The following PLOD2 variants were observed in gnomAD, a reference collection of about 807,000 sequenced individuals.
The protein encoded by PLOD2 is lysine hydroxylase 2.
PLOD2 carries 65 observed loss-of-function variants against 101.0 expected under a neutral mutation model. That is an observed-to-expected ratio of 0.64 (90% CI 0.53 to 0.79). The LOEUF is 0.79. Ranked by LOEUF, PLOD2 falls within the 30% of genes least tolerant of loss-of-function variation. The pLI is 0.00. For missense variants in PLOD2, 909 were observed against 914.6 expected, an observed-to-expected ratio of 0.99 and a Z score of 0.08; for synonymous variants, 314 against 302.9, an observed-to-expected ratio of 1.04 and a Z score of -0.38.
intron 1 of PLOD2, among the ~76,000 whole-genome samples, chr3:146,148,438 T>A (rs1392193718): frequency 6.6e-6 from 1 of 151,012 alleles, no homozygotes; most frequent in Non-Finnish European, 1.5e-5. Context: ...TATACCTAAA[T>A]ACGAAGAATA....
Position 146,130,936 on chromosome 3 carries a change from T to C in PLOD2, c.110-6707A>G, listed in dbSNP as rs186344070. 2.3e-3 allele frequency among the ~76,000 whole-genome samples: 356 copies of C among 152,294 alleles called. 2 individuals are homozygous for C. The highest frequency in any genetic ancestry group is 8.2e-3 in the African/African-American group (342 of 41,566). ...ATATGGTTTCCAGATGGTCTTCCAA[T>C]GGGAAGGGTTCCCATCATTCCTAGA... On this transcript the variant is annotated intron_variant, in intron 1 of 19. Coordinates refer to ENST00000282903, the MANE Select transcript of PLOD2 (RefSeq NM_182943.3).
At chr3:146,102,880 A>C in intron 6 of PLOD2, 28 bp from the exon 7 acceptor site, 1 of 1,200,642 alleles carries the variant, frequency 8.3e-7, no homozygotes, top group South Asian at 1.2e-5. Flanking sequence ...AATAGGCTTT[A>C]GTAATTTAAA....
chr3:146,159,872 C>T (rs2108155681), intron 1 of PLOD2, among the ~76,000 whole-genome samples: 1 of 152,266 alleles, frequency 6.6e-6, no homozygotes, highest in African/African-American at 2.4e-5. Context: ...AAGATGAAGA[C>T]AAAACTATCG....
intron 7 of PLOD2, among the ~76,000 whole-genome samples, chr3:146,099,466 G>A (rs918400292): frequency 6.6e-6 from 1 of 152,178 alleles, no homozygotes; most frequent in Admixed American, 6.5e-5. Context: ...GCCCGATCTT[G>A]GCTGACTGCA....
intron 1 of PLOD2, among the ~76,000 whole-genome samples, chr3:146,135,350 TTGA>T (rs2031169550): frequency 6.6e-6 from 1 of 152,318 alleles, no homozygotes; most frequent in South Asian, 2.1e-4. Flanking sequence ...AAATGATGAT[TTGA>T]TGAAGACAAC....
chr3:146,153,327 T>C (rs1381275054), intron 1 of PLOD2, among the ~76,000 whole-genome samples: 1 of 152,172 alleles, frequency 6.6e-6, no homozygotes, highest in East Asian at 1.9e-4. Flanking sequence ...TAGCTGTTGG[T>C]GTTTAGTACA....
chr3:146,125,224 C>T (rs187912106), intron 1 of PLOD2, among the ~76,000 whole-genome samples: 2 of 152,048 alleles, frequency 1.3e-5, no homozygotes, highest in African/African-American at 4.8e-5. Flanking sequence ...TTTTGAGTAT[C>T]CCCTAAGCAA....
intron 7 of PLOD2, among the ~76,000 whole-genome samples, chr3:146,096,216 T>C (rs1937154906): frequency 7.5e-6 from 1 of 133,792 alleles, no homozygotes; most frequent in South Asian, 2.6e-4. Context: ...TGGAGTGCAG[T>C]GGCGTGATCT....
chr3:146,148,025 C>T (rs1029640407), intron 1 of PLOD2, among the ~76,000 whole-genome samples: 1 of 151,954 alleles, frequency 6.6e-6, no homozygotes, highest in African/African-American at 2.4e-5. Flanking sequence ...TAATTTGAGG[C>T]TTTTGAAAAA....
At chr3:146,135,650 G>A (rs2031188209) in intron 1 of PLOD2, among the ~76,000 whole-genome samples, 1 of 152,058 alleles carries the variant, frequency 6.6e-6, no homozygotes, top group South Asian at 2.1e-4. Flanking sequence ...CTTCCCTTCA[G>A]AAAATATCAA....
rs149042182 is a variant in PLOD2 at position 146,077,893 on chromosome 3, G to A, written c.1532C>T (p.Pro511Leu). Reference sequence around the variant, plus strand: ...GGGGCTGAGCATTTGGAATGTTTCCGGAGTAGGGGAGTCTTTTTCCCTTTG... The same window carrying A: ...GGGGCTGAGCATTTGGAATGTTTCCAGAGTAGGGGAGTCTTTTTCCCTTTG... ...TLQREKDSPT[P>L]ETFQMLSPPK... The change falls in exon 14 of 20, where the codon CCG (proline) becomes CTG (leucine). Residue 511 changes from proline to leucine, a missense_variant. Pro to Leu is a moderately conservative substitution (Grantham distance 98, BLOSUM62 -3). Coordinates refer to ENST00000282903, the MANE Select transcript of PLOD2 (RefSeq NM_182943.3). 2.4e-5 allele frequency: 38 copies of A among 1,600,018 alleles called. No homozygotes were observed. The highest frequency in any genetic ancestry group is 6.7e-5 in the East Asian group (3 of 44,722).
intron 7 of PLOD2, among the ~76,000 whole-genome samples, chr3:146,099,782 G>A (rs543454039): frequency 2.0e-5 from 3 of 152,084 alleles, no homozygotes; most frequent in South Asian, 4.2e-4. Flanking sequence ...TTGACTAACT[G>A]GCACTGACAG....
chr3:146,155,163 T>C (rs1476967325), intron 1 of PLOD2, among the ~76,000 whole-genome samples: 1 of 151,880 alleles, frequency 6.6e-6, no homozygotes, highest in Non-Finnish European at 1.5e-5. Flanking sequence ...GGCTTTAAGG[T>C]GGTAAGCAGA....
chr3:146,084,377 T>G lies in PLOD2; in HGVS notation c.1232+792A>C, dbSNP rs531676302. On this transcript the variant is annotated intron_variant, in intron 11 of 19. Transcript: ENST00000282903. ...TTTACAAATTCTAGTGATATATATA[T>G]ATAGATAGATATTATATATAGGGTG... 1.3e-4 allele frequency among the ~76,000 whole-genome samples: 20 copies of G among 152,128 alleles called. No homozygotes were observed. The East Asian group carries it at 1.4e-3, about 10-fold the overall frequency.
chr3:146,071,282 T>C lies in PLOD2; in HGVS notation c.1990A>G (p.Thr664Ala). 1 of 1,611,980 alleles carries C rather than the reference T, an allele frequency of 6.2e-7. No homozygotes were observed. Among genetic ancestry groups the C allele is most frequent in the Non-Finnish European group, 8.5e-7 (1 of 1,178,628 alleles). The change falls in exon 18 of 20, where the codon ACG (threonine) becomes GCG (alanine). Residue 664 changes from threonine (T) to alanine (A), a missense_variant. Physicochemically the swap from Thr to Ala is moderately conservative, Grantham distance 58. Coordinates refer to ENST00000282903, the MANE Select transcript of PLOD2 (RefSeq NM_182943.3). ...VTLKVFAGYY[T>A]KGFALLNFVV... is the part of the protein sequence containing the mutation. ...AGGGGTGAGAGGATAACTACCTTCGTATAATAGCCTGCAAAGACCTTCAGT... is the reference window on the plus strand; with the variant it reads ...AGGGGTGAGAGGATAACTACCTTCGCATAATAGCCTGCAAAGACCTTCAGT...
rs1936788339 is a variant in PLOD2, at chr3:146,086,782, C to T, written c.1127+5G>A. Reference sequence around the variant, plus strand: ...TTAATTTAATTTTAATTTATTAAAACATACATTCCCATGTTTCTGGCTTCC... The same window carrying T: ...TTAATTTAATTTTAATTTATTAAAATATACATTCCCATGTTTCTGGCTTCC... On this transcript the variant is annotated splice_donor_5th_base_variant and intron_variant, in intron 10 of 19. Transcript: ENST00000282903. 1.4e-6 allele frequency: 2 copies of T among 1,433,480 alleles called. No homozygotes were observed. Among genetic ancestry groups the T allele is most frequent in the African/African-American group, 2.9e-5 (2 of 70,006 alleles). 88.8% of individuals were successfully genotyped at this position (1,433,480 alleles called of 1,614,324 possible).
rs1053123518 is a variant in PLOD2 at position 146,077,740 on chromosome 3, T to C, written c.1563+122A>G. 8.1e-6 allele frequency: 5 copies of C among 620,190 alleles called. No individual in the cohort carries two copies. In the Admixed American group the frequency reaches 8.1e-5, roughly 10 times the overall value. 38.4% of individuals were successfully genotyped at this position (620,190 alleles called of 1,614,324 possible). A position where few individuals can be genotyped will look rare whatever the true frequency, so the allele number is the denominator to read the frequency against. On this transcript the variant is annotated intron_variant, in intron 14 of 19. Coordinates refer to ENST00000282903, the MANE Select transcript of PLOD2 (RefSeq NM_182943.3). Reference sequence around the variant, plus strand: ...AACACGCAAACACACAGATGACTGATGAAAATCAACATTTTACCAAGCTAA... The same window carrying C: ...AACACGCAAACACACAGATGACTGACGAAAATCAACATTTTACCAAGCTAA...
At chr3:146,116,624 G>A (rs1303134284) in intron 3 of PLOD2, among the ~76,000 whole-genome samples, 4 of 151,952 alleles carry the variant, frequency 2.6e-5, no homozygotes, top group South Asian at 2.1e-4. Context: ...AAGGAAATAC[G>A]GAGTACACAC....
At chr3:146,132,695 G>A (rs780041316) in intron 1 of PLOD2, among the ~76,000 whole-genome samples, 2 of 151,928 alleles carry the variant, frequency 1.3e-5, no homozygotes, top group Non-Finnish European at 2.9e-5. Context: ...GTGAATGTTT[G>A]ACAAATTTCA....
Sources: gnomAD v4.1 joint callset for allele counts (sites outside exome capture counted in the v4.1 genomes callset) on GRCh38, gnomAD v4.1.1 for gene constraint, MANE v1.5 for transcripts, NCBI Gene and HGNC (gene_info 2026-07-23, HGNC 2026-07-21) for gene names.